Variants in GALNT18 observed in about 807,000 individuals in gnomAD.
The protein encoded by GALNT18 is polypeptide N-acetylgalactosaminyltransferase 18.
A neutral mutation model predicts 69.5 loss-of-function variants in GALNT18; 44 were observed. The observed-to-expected ratio is 0.63, with a 90% CI of 0.50 to 0.81. The LOEUF is 0.81. GALNT18 is among the 40% of genes least tolerant of loss of function. The pLI is 0.00. For synonymous variants in GALNT18, 364 were observed against 318.2 expected (o/e 1.14, Z -1.53); for missense variants, 715 against 810.0 (o/e 0.88, Z 1.42).
chr11:11,281,741 C>CT (rs34401870), intron 10 of GALNT18, among the ~76,000 whole-genome samples: 61,266 of 151,816 alleles, frequency 0.4, 12,621 homozygotes, highest in Non-Finnish European at 0.44. Flanking sequence ...ACCCTAGAGA[C>CT]TAGAAGTGCG....
At chr11:11,608,288 GA>G (rs1242981432) in intron 1 of GALNT18, among the ~76,000 whole-genome samples, 2 of 152,154 alleles carry the variant, frequency 1.3e-5, no homozygotes, top group Admixed American at 6.5e-5. Context: ...AAGGAAGACT[GA>G]AAAAGGGAAC....
At chr11:11,313,217 A>C (rs545372187) in intron 9 of GALNT18, among the ~76,000 whole-genome samples, 1 of 152,112 alleles carries the variant, frequency 6.6e-6, no homozygotes, top group Non-Finnish European at 1.5e-5. Context: ...TTCCTCAGAG[A>C]AAGTGGAGAA....
chr11:11,387,476 C>T lies in GALNT18; in HGVS notation c.596-8212G>A, dbSNP rs1243016372. 1.3e-5 allele frequency among the ~76,000 whole-genome samples: 2 copies of T among 152,204 alleles called. No individual in the cohort carries two copies. Among genetic ancestry groups the T allele is most frequent in the Non-Finnish European group, 2.9e-5 (2 of 68,046 alleles). On this transcript the variant is annotated intron_variant, in intron 3 of 10. Transcript: ENST00000227756. This position sits in a 1 kb window ranked among gnomAD's most constrained non-coding sequence, Gnocchi z 4.6. ...CCCCCACTAATCCACCTCCCACTGA[C>T]AAGTGCAATTAATTGCTTGTCTCCA... is the stretch of plus-strand genomic sequence containing the variant.
intron 10 of GALNT18, among the ~76,000 whole-genome samples, chr11:11,284,320 T>TA (rs1394001199): frequency 2.0e-5 from 3 of 152,192 alleles, no homozygotes; most frequent in Non-Finnish European, 4.4e-5. Context: ...ATGTAAGAGT[T>TA]AGAGTCACCT....
chr11:11,368,481 A>T lies in GALNT18; in HGVS notation c.1092+4034T>A, dbSNP rs114091875. On this transcript the variant is annotated intron_variant, in intron 6 of 10. Coordinates refer to ENST00000227756, the MANE Select transcript of GALNT18 (RefSeq NM_198516.3). ...GATCATCTCCATTTGGAATTATAAG[A>T]TACTAAATCCACAATCTCAATTCTA... 8.4e-3 allele frequency among the ~76,000 whole-genome samples: 1,277 copies of T among 152,322 alleles called. 14 individuals are homozygous for T. The highest frequency in any genetic ancestry group is 0.028 in the African/African-American group (1,161 of 41,580).
chr11:11,482,414 C>A (rs1212231658), intron 1 of GALNT18, among the ~76,000 whole-genome samples: 1 of 152,252 alleles, frequency 6.6e-6, no homozygotes, highest in African/African-American at 2.4e-5. Context: ...GGAATGAGGC[C>A]TCTGGGCAGA....
intron 1 of GALNT18, among the ~76,000 whole-genome samples, chr11:11,559,162 C>A (rs1443529770): frequency 6.6e-6 from 1 of 152,234 alleles, no homozygotes; most frequent in Non-Finnish European, 1.5e-5. Context: ...TATTTAAGTG[C>A]CAGTATGGAG....
chr11:11,275,136 G>A (rs974587057), intron 10 of GALNT18, among the ~76,000 whole-genome samples: 3 of 152,202 alleles, frequency 2.0e-5, no homozygotes, highest in African/African-American at 4.8e-5. Flanking sequence ...TTCCACAATG[G>A]TTGAACTAAT....
chr11:11,273,719 C>T (rs1848875229), intron 10 of GALNT18, among the ~76,000 whole-genome samples: 2 of 152,190 alleles, frequency 1.3e-5, no homozygotes, highest in South Asian at 4.1e-4. Context: ...AGGAAACCAG[C>T]ATATTGAAGA....
At chr11:11,556,188 G>A (rs1858329299) in intron 1 of GALNT18, among the ~76,000 whole-genome samples, 1 of 152,206 alleles carries the variant, frequency 6.6e-6, no homozygotes, top group African/African-American at 2.4e-5. Flanking sequence ...CGTGAAGTTG[G>A]GATAAACATA....
At chr11:11,477,467 T>A (rs767460448) in intron 1 of GALNT18, among the ~76,000 whole-genome samples, 7 of 152,190 alleles carry the variant, frequency 4.6e-5, no homozygotes, top group Non-Finnish European at 1.0e-4. Context: ...ACAAGGCCAC[T>A]TCAAGACAGT....
chr11:11,339,433 G>T lies in GALNT18; in HGVS notation c.1278+1386C>A, dbSNP rs1309193993. Among the ~76,000 whole-genome samples, 1 of 152,134 alleles carries T rather than the reference G, an allele frequency of 6.6e-6. No homozygotes were observed. The highest frequency in any genetic ancestry group is 1.5e-5 in the Non-Finnish European group (1 of 68,036). ...GGGGTACAGAGAGAAGGCAGTAAGAGTATGCTCACTCACCAGTCCTAAGCA... is the reference window on the plus strand; with the variant it reads ...GGGGTACAGAGAGAAGGCAGTAAGATTATGCTCACTCACCAGTCCTAAGCA... On this transcript the variant is annotated intron_variant, in intron 7 of 10. Transcript: ENST00000227756. This position sits in a 1 kb window ranked among gnomAD's most constrained non-coding sequence, Gnocchi z 5.2.
intron 6 of GALNT18, among the ~76,000 whole-genome samples, chr11:11,370,721 A>C (rs1341645438): frequency 6.6e-6 from 1 of 152,202 alleles, no homozygotes; most frequent in African/African-American, 2.4e-5. Context: ...TAACTTTATA[A>C]TCTAAGGAAG....
intron 3 of GALNT18, among the ~76,000 whole-genome samples, chr11:11,403,691 C>T (rs1201276457): frequency 1.3e-5 from 2 of 152,192 alleles, no homozygotes; most frequent in East Asian, 3.9e-4. Flanking sequence ...CCAGTGCCCA[C>T]CACCTGGGGA....
chr11:11,540,830 T>C lies in GALNT18; in HGVS notation c.235+80529A>G, dbSNP rs1188683437. Among the ~76,000 whole-genome samples, 1 of 152,104 alleles carries C rather than the reference T, an allele frequency of 6.6e-6. No homozygotes were observed. Among genetic ancestry groups the C allele is most frequent in the Non-Finnish European group, 1.5e-5 (1 of 68,032 alleles). On this transcript the variant is annotated intron_variant, in intron 1 of 10. Transcript: ENST00000227756. The surrounding 1 kb of genome is among the most constrained non-coding windows in gnomAD (Gnocchi z 4.6). ...AAGGACCCAGACAGAAACAGGTAATTGGCAGGAAGGTAGATATGGTGGTGG... is the reference window on the plus strand; with the variant it reads ...AAGGACCCAGACAGAAACAGGTAATCGGCAGGAAGGTAGATATGGTGGTGG...
chr11:11,465,361 A>G lies in GALNT18; in HGVS notation c.236-16425T>C, dbSNP rs1420553635. Among the ~76,000 whole-genome samples, 2 of 152,116 alleles carry G rather than the reference A, an allele frequency of 1.3e-5. No individual in the cohort carries two copies. Among genetic ancestry groups the G allele is most frequent in the Admixed American group, 6.5e-5 (1 of 15,274 alleles). On this transcript the variant is annotated intron_variant, in intron 1 of 10. Transcript: ENST00000227756. This position sits in a 1 kb window ranked among gnomAD's most constrained non-coding sequence, Gnocchi z 5.7. ...TGTAGCCCAGGGCTAGGAAGCAGAGATTCCCACCTTATGGAGCTGTCACTG... is the reference window on the plus strand; with the variant it reads ...TGTAGCCCAGGGCTAGGAAGCAGAGGTTCCCACCTTATGGAGCTGTCACTG...
rs1025093540 is a variant in GALNT18 at position 11,459,381 on chromosome 11, G to A, written c.236-10445C>T. 3.3e-5 allele frequency among the ~76,000 whole-genome samples: 5 copies of A among 152,152 alleles called. No individual in the cohort carries two copies. The highest frequency in any genetic ancestry group is 7.2e-5 in the African/African-American group (3 of 41,434). ...CCAACACCATTAAAATCCTCTGTGC[G>A]AGGACTTTATTCAGCATGGCAAAGG... On this transcript the variant is annotated intron_variant, in intron 1 of 10. Coordinates refer to ENST00000227756, the MANE Select transcript of GALNT18 (RefSeq NM_198516.3). This position sits in a 1 kb window ranked among gnomAD's most constrained non-coding sequence, Gnocchi z 5.0.
chr11:11,279,252 A>C (rs559007802), intron 10 of GALNT18, among the ~76,000 whole-genome samples: 15 of 152,312 alleles, frequency 9.8e-5, no homozygotes, highest in African/African-American at 3.4e-4. Context: ...ATCATGAGCC[A>C]ATTATACCTC....
At chr11:11,526,838 G>C (rs1259264571) in intron 1 of GALNT18, among the ~76,000 whole-genome samples, 1 of 152,192 alleles carries the variant, frequency 6.6e-6, no homozygotes, top group Non-Finnish European at 1.5e-5. Context: ...TCCAGGGAAA[G>C]TGGGGAATAT....
Sources: gnomAD v4.1 joint callset for allele counts (sites outside exome capture counted in the v4.1 genomes callset) on GRCh38, gnomAD v4.1.1 for gene constraint, Gnocchi (gnomAD v3.1) non-coding constraint, MANE v1.5 for transcripts, NCBI Gene and HGNC (gene_info 2026-07-23, HGNC 2026-07-21) for gene names.